The following HCRTR2 variants were observed in gnomAD, a reference collection of about 807,000 sequenced individuals.
The protein encoded by HCRTR2 is orexin receptor type 2.
In HCRTR2, 22 loss-of-function variants were observed where a neutral mutation model predicts 49.0. The ratio of observed to expected loss-of-function variants is 0.45; its 90% CI spans 0.32 to 0.64. The LOEUF (loss-of-function observed/expected upper bound fraction) is 0.64. HCRTR2 is among the 30% of genes least tolerant of loss of function. HCRTR2 has a pLI of 0.04. For missense variants in HCRTR2, 491 were observed against 559.4 expected (o/e 0.88, Z 1.23); for synonymous variants, 236 against 205.3 (o/e 1.15, Z -1.28).
chr6:55,210,754 T>C (rs191061306), intron 1 of HCRTR2, among the ~76,000 whole-genome samples: 37 of 152,236 alleles, frequency 2.4e-4, no homozygotes, highest in Non-Finnish European at 3.4e-4. Context: ...TTCTACTCCT[T>C]TTCATAAACT....
intron 4 of HCRTR2, among the ~76,000 whole-genome samples, chr6:55,268,814 G>A (rs9475224): frequency 5.3e-5 from 8 of 152,164 alleles, no homozygotes; most frequent in African/African-American, 1.9e-4. Context: ...ACACAGGCAG[G>A]GTGCGGTGGC....
intron 4 of HCRTR2, among the ~76,000 whole-genome samples, chr6:55,264,788 G>A (rs1007731873): frequency 6.6e-5 from 10 of 151,974 alleles, no homozygotes; most frequent in Non-Finnish European, 1.3e-4. Context: ...ACTTACTGCC[G>A]ATACTTACTT....
chr6:55,155,040 T>A (rs984445327), intron 1 of HCRTR2, among the ~76,000 whole-genome samples: 1 of 151,826 alleles, frequency 6.6e-6, no homozygotes, highest in South Asian at 2.1e-4. Flanking sequence ...AAGACTTGTG[T>A]ACTGAAAACT....
At chr6:55,276,127 C>G (rs1767072625) in intron 4 of HCRTR2, among the ~76,000 whole-genome samples, 1 of 152,104 alleles carries the variant, frequency 6.6e-6, no homozygotes, top group Admixed American at 6.5e-5. Flanking sequence ...CTCTCCCCAA[C>G]CAGTGGGTTA....
At chr6:55,209,612 TTA>T (rs1345636380) in intron 1 of HCRTR2, among the ~76,000 whole-genome samples, 5 of 152,170 alleles carry the variant, frequency 3.3e-5, no homozygotes, top group Non-Finnish European at 7.4e-5. Flanking sequence ...CAAATGAGGC[TTA>T]GTTACAAAAA....
At chr6:55,215,888 A>G (rs1421562339) in intron 1 of HCRTR2, among the ~76,000 whole-genome samples, 4 of 152,228 alleles carry the variant, frequency 2.6e-5, no homozygotes, top group Admixed American at 6.5e-5. Flanking sequence ...AACATCTGAG[A>G]CTAGGTCATT....
At chr6:55,134,474 GT>G (rs568335765) in intron 1 of HCRTR2, among the ~76,000 whole-genome samples, 106 of 151,896 alleles carry the variant, frequency 7.0e-4, no homozygotes, top group Admixed American at 2.1e-3. Context: ...GTGTGTGTAT[GT>G]ATAGTGAGAG....
At chr6:55,157,819 C>A (rs1328946699) in intron 1 of HCRTR2, among the ~76,000 whole-genome samples, 1 of 152,206 alleles carries the variant, frequency 6.6e-6, no homozygotes, top group Admixed American at 6.5e-5. Context: ...TTTCAGGTTT[C>A]CCCAGTGCAG....
intron 4 of HCRTR2, among the ~76,000 whole-genome samples, chr6:55,275,022 T>C (rs2811241): frequency 0.56 from 85,538 of 152,012 alleles, 24,279 homozygotes; most frequent in East Asian, 0.65. Context: ...ATCTTTGTCT[T>C]TCAAGGGCTT....
chr6:55,122,884 G>T (rs143277346), intron 1 of HCRTR2, among the ~76,000 whole-genome samples: 1 of 145,892 alleles, frequency 6.9e-6, no homozygotes, highest in East Asian at 2.1e-4. Context: ...ACCAAACACC[G>T]CATGTTCTCA....
intron 1 of HCRTR2, among the ~76,000 whole-genome samples, chr6:55,212,476 C>T (rs1019517278): frequency 2.0e-5 from 3 of 152,116 alleles, no homozygotes; most frequent in Admixed American, 6.6e-5. Context: ...TAGCCAATAA[C>T]GTGAATTCTG....
intron 1 of HCRTR2, among the ~76,000 whole-genome samples, chr6:55,227,329 A>G (rs778207504): frequency 5.3e-5 from 8 of 152,174 alleles, no homozygotes; most frequent in African/African-American, 7.2e-5. Flanking sequence ...GTTTTAGATT[A>G]TTTAAGTAGG....
At chr6:55,158,331 G>T (rs35835518) in intron 1 of HCRTR2, among the ~76,000 whole-genome samples, 23,116 of 152,182 alleles carry the variant, frequency 0.15, 2,215 homozygotes, top group Non-Finnish European at 0.22. Context: ...ATTCCCTCGG[G>T]TGCCTACACC....
At chr6:55,194,576 T>C (rs1765377839) in intron 1 of HCRTR2, among the ~76,000 whole-genome samples, 2 of 152,126 alleles carry the variant, frequency 1.3e-5, no homozygotes, top group Admixed American at 1.3e-4. Context: ...TAGGTGTGAT[T>C]TCTACTTCAC....
At chr6:55,122,477 G>C (rs1764215191) in intron 1 of HCRTR2, among the ~76,000 whole-genome samples, 1 of 152,032 alleles carries the variant, frequency 6.6e-6, no homozygotes, top group South Asian at 2.1e-4. Flanking sequence ...GTTCTGCTCT[G>C]ACTTTAGTTA....
intron 1 of HCRTR2, among the ~76,000 whole-genome samples, chr6:55,113,692 T>C (rs1031379854): frequency 2.0e-5 from 3 of 151,970 alleles, no homozygotes; most frequent in African/African-American, 7.2e-5. Context: ...TTTACACTGC[T>C]GGTAGGAATG....
intron 3 of HCRTR2, among the ~76,000 whole-genome samples, chr6:55,262,677 AAT>A (rs1300764422): frequency 5.0e-5 from 7 of 140,934 alleles, no homozygotes; most frequent in Admixed American, 3.0e-4. Context: ...TAATATATAA[AAT>A]ATATATTATG....
At chr6:55,275,340 T>A (rs2127329947) in intron 4 of HCRTR2, among the ~76,000 whole-genome samples, 1 of 152,302 alleles carries the variant, frequency 6.6e-6, no homozygotes, top group Non-Finnish European at 1.5e-5. Flanking sequence ...AGATTTACAA[T>A]AATGTACTTT....
At chr6:55,166,736 C>T (rs181107629) in intron 1 of HCRTR2, among the ~76,000 whole-genome samples, 1 of 152,112 alleles carries the variant, frequency 6.6e-6, no homozygotes, top group Admixed American at 6.6e-5. Context: ...TAAGTACACA[C>T]AAAAACTTGT....
Sources: allele counts gnomAD v4.1 joint callset (sites outside exome capture counted in the v4.1 genomes callset), GRCh38; gene constraint gnomAD v4.1.1; transcripts MANE v1.5; gene names NCBI Gene and HGNC (gene_info 2026-07-23, HGNC 2026-07-21).